The following GALNT13 variants were observed in gnomAD, a reference collection of about 807,000 sequenced individuals.
The protein encoded by GALNT13 is polypeptide N-acetylgalactosaminyltransferase 13.
GALNT13 carries 28 observed loss-of-function variants against 64.2 expected under a neutral mutation model. That is an observed-to-expected ratio of 0.44 (90% CI 0.32 to 0.60). The LOEUF (loss-of-function observed/expected upper bound fraction) is 0.60, where lower values mean the gene tolerates loss of function less well. Ranked by LOEUF, GALNT13 falls within the 20% of genes least tolerant of loss-of-function variation. The probability of loss-of-function intolerance (pLI) is 0.05; values close to 1 mark genes in which losing one functional copy is unlikely to be tolerated. For synonymous variants in GALNT13, 214 were observed against 224.6 expected (o/e 0.95, Z 0.42); for missense variants, 577 against 669.8 (o/e 0.86, Z 1.53).
the GALNT13 span, among the ~76,000 whole-genome samples, chr2:153,508,783 C>G: frequency 6.6e-6 from 1 of 152,202 alleles, no homozygotes; most frequent in Admixed American, 6.5e-5. Flanking sequence ...GGAGCAAAAG[C>G]TCATGATGTG....
At chr2:153,434,320 T>G in the GALNT13 span, among the ~76,000 whole-genome samples, 5 of 152,206 alleles carry the variant, frequency 3.3e-5, no homozygotes, top group Non-Finnish European at 1.5e-5. Context: ...AGCAGCATGA[T>G]TTATAATCCT....
the GALNT13 span, among the ~76,000 whole-genome samples, chr2:153,668,732 C>T: frequency 1.3e-5 from 2 of 152,018 alleles, no homozygotes; most frequent in Admixed American, 6.5e-5. Flanking sequence ...GTATCACAGA[C>T]CTCTGGATTC....
intron 11 of GALNT13, among the ~76,000 whole-genome samples, chr2:154,432,058 G>A (rs1415955064): frequency 2.0e-5 from 3 of 152,100 alleles, no homozygotes; most frequent in African/African-American, 7.2e-5. Context: ...ATTTGAATTG[G>A]CTTTATATGT....
At chr2:153,383,555 T>C in the GALNT13 span, among the ~76,000 whole-genome samples, 1 of 152,038 alleles carries the variant, frequency 6.6e-6, no homozygotes, top group Non-Finnish European at 1.5e-5. Flanking sequence ...AAGCAGCTTA[T>C]ATTGGGGTTG....
intron 3 of GALNT13, among the ~76,000 whole-genome samples, chr2:154,004,343 C>G (rs968025440): frequency 2.0e-5 from 3 of 152,016 alleles, no homozygotes; most frequent in African/African-American, 7.2e-5. Context: ...GTAGCTGGGA[C>G]TACAGGCATG....
the GALNT13 span, among the ~76,000 whole-genome samples, chr2:153,447,244 T>C: frequency 6.6e-6 from 1 of 152,160 alleles, no homozygotes; most frequent in African/African-American, 2.4e-5. Flanking sequence ...TAATTGTAAA[T>C]GTAGGTGAAG....
the GALNT13 span, among the ~76,000 whole-genome samples, chr2:153,785,455 T>C: frequency 6.6e-6 from 1 of 152,174 alleles, no homozygotes; most frequent in South Asian, 2.1e-4. Flanking sequence ...GAGGCGACTA[T>C]GGACTGGAGC....
chr2:154,007,181 G>A lies in GALNT13; in HGVS notation c.142+62542G>A, dbSNP rs537057901. 1.1e-4 allele frequency among the ~76,000 whole-genome samples: 17 copies of A among 152,336 alleles called. No homozygotes were observed. In the East Asian group the frequency reaches 1.2e-3, roughly 10 times the overall value. On this transcript the variant is annotated intron_variant, in intron 3 of 12. Coordinates refer to ENST00000392825, the MANE Select transcript of GALNT13 (RefSeq NM_052917.4). ...CCATATCATAATAGGGCCCTGTGGCGAGGCACTGTGAGTGGCCTTTAGACT... is the reference window on the plus strand; with the variant it reads ...CCATATCATAATAGGGCCCTGTGGCAAGGCACTGTGAGTGGCCTTTAGACT...
intron 7 of GALNT13, among the ~76,000 whole-genome samples, chr2:154,254,676 A>G (rs1186929034): frequency 3.3e-5 from 5 of 152,222 alleles, no homozygotes; most frequent in African/African-American, 1.2e-4. Context: ...AATATAAGAC[A>G]TTAAAAGAGA....
the GALNT13 span, among the ~76,000 whole-genome samples, chr2:153,165,898 TAGTG>T: frequency 1.3e-5 from 2 of 152,192 alleles, no homozygotes; most frequent in Non-Finnish European, 2.9e-5. Context: ...ATGGTTTTCT[TAGTG>T]AGGAATAGCA....
At chr2:153,634,441 C>T in the GALNT13 span, among the ~76,000 whole-genome samples, 2 of 150,498 alleles carry the variant, frequency 1.3e-5, no homozygotes, top group South Asian at 2.1e-4. Context: ...GAGGTAAAGA[C>T]ATGAAATCCA....
chr2:153,671,100 G>A, the GALNT13 span, among the ~76,000 whole-genome samples: 2 of 152,174 alleles, frequency 1.3e-5, no homozygotes, highest in Non-Finnish European at 2.9e-5. Flanking sequence ...GTGACGGGGA[G>A]AATGGAACCA....
the GALNT13 span, among the ~76,000 whole-genome samples, chr2:153,306,189 A>C: frequency 1.3e-5 from 2 of 152,126 alleles, no homozygotes; most frequent in Non-Finnish European, 2.9e-5. Context: ...CTCCCCAGCA[A>C]ACACTGCTGG....
At position 154,245,883 on chromosome 2, in the gene GALNT13, T is replaced by C; in HGVS notation, c.758T>C (p.Met253Thr). The change falls in exon 7 of 13, where the codon ATG (methionine) becomes ACG (threonine). Residue 253 changes from methionine (M) to threonine (T), a missense_variant. Met to Thr is a moderately conservative substitution (Grantham distance 81). Coordinates refer to ENST00000392825, the MANE Select transcript of GALNT13 (RefSeq NM_052917.4). The part of the protein sequence containing the change: ...DTFEYMAGSD[M>T]TYGGFNWKLN... Reference sequence around the variant, plus strand: ...TTTGAATATATGGCTGGGTCAGACATGACTTATGGGGGTTTTAACTGGAAA... The same window carrying C: ...TTTGAATATATGGCTGGGTCAGACACGACTTATGGGGGTTTTAACTGGAAA... The C allele has an allele frequency of 1.2e-6, 2 of 1,613,046 alleles. No individual in the cohort carries two copies. The highest frequency in any genetic ancestry group is 1.7e-6 in the Non-Finnish European group (2 of 1,179,190).
At chr2:153,081,759 C>T in the GALNT13 span, among the ~76,000 whole-genome samples, 1 of 151,976 alleles carries the variant, frequency 6.6e-6, no homozygotes, top group African/African-American at 2.4e-5. Context: ...TTTTTTTAAT[C>T]CATTCATCTG....
chr2:154,393,416 C>G (rs1346463696), intron 9 of GALNT13, among the ~76,000 whole-genome samples: 1 of 152,120 alleles, frequency 6.6e-6, no homozygotes, highest in Non-Finnish European at 1.5e-5. Context: ...TGGCCAGGAC[C>G]AGTTAGATGT....
At chr2:154,244,445 T>C (rs1490748994) in intron 6 of GALNT13, among the ~76,000 whole-genome samples, 2 of 152,124 alleles carry the variant, frequency 1.3e-5, no homozygotes, top group Non-Finnish European at 2.9e-5. Flanking sequence ...CTCTGGTCAG[T>C]TGTGTGGAAT....
upstream of GALNT13, among the ~76,000 whole-genome samples, chr2:153,869,364 T>A (rs1456351018): frequency 6.6e-6 from 1 of 152,188 alleles, no homozygotes; most frequent in Non-Finnish European, 1.5e-5. Flanking sequence ...CAATTCTGGA[T>A]TACACATTGC....
the GALNT13 span, among the ~76,000 whole-genome samples, chr2:153,534,224 C>G: frequency 6.6e-6 from 1 of 151,950 alleles, no homozygotes; most frequent in African/African-American, 2.4e-5. Flanking sequence ...TTTAGTATAC[C>G]TTGTACTTTT....
Sources: allele counts gnomAD v4.1 joint callset (sites outside exome capture counted in the v4.1 genomes callset), GRCh38; gene constraint gnomAD v4.1.1; transcripts MANE v1.5; gene names NCBI Gene and HGNC (gene_info 2026-07-23, HGNC 2026-07-21).